Variants in CCR3 observed in about 807,000 individuals in gnomAD.
CCR3 encodes C-C motif chemokine receptor 3.
For synonymous variants in CCR3, 203 were observed against 179.2 expected, an observed-to-expected ratio of 1.13 and a Z score of -1.06; for missense variants, 419 against 437.5, an observed-to-expected ratio of 0.96 and a Z score of 0.38.
intron 1 of CCR3, among the ~76,000 whole-genome samples, chr3:46,254,870 C>T (rs1476515856): frequency 6.6e-6 from 1 of 152,024 alleles, no homozygotes; most frequent in African/African-American, 2.4e-5. Flanking sequence ...AATGTGTGTG[C>T]AAGTATCTTT....
chr3:46,248,265 G>A (rs1278045357), intron 1 of CCR3, among the ~76,000 whole-genome samples: 1 of 152,160 alleles, frequency 6.6e-6, no homozygotes, highest in African/African-American at 2.4e-5. Flanking sequence ...GAGCCAAGGA[G>A]CAGAAAGTAT....
intron 1 of CCR3, among the ~76,000 whole-genome samples, chr3:46,257,082 C>G (rs963321664): frequency 8.5e-5 from 13 of 152,074 alleles, no homozygotes; most frequent in Admixed American, 7.2e-4. Context: ...GTTTATAACT[C>G]CACTACTGAA....
At chr3:46,232,061 AT>A (rs1296477172) in intron 2 of CCR3, among the ~76,000 whole-genome samples, 2 of 152,158 alleles carry the variant, frequency 1.3e-5, no homozygotes, top group Non-Finnish European at 2.9e-5. Flanking sequence ...AGAAAAATGT[AT>A]TTTCTGCATA....
At chr3:46,230,325 A>G (rs552486380) in intron 2 of CCR3, among the ~76,000 whole-genome samples, 37 of 152,128 alleles carry the variant, frequency 2.4e-4, no homozygotes, top group Non-Finnish European at 5.0e-4. Context: ...ATAAAATTCA[A>G]CTCCTGAATT....
chr3:46,258,659 T>A lies in CCR3; in HGVS notation c.-11-6489T>A, dbSNP rs187114245. Among the ~76,000 whole-genome samples, 282 of 152,328 alleles carry A rather than the reference T, an allele frequency of 1.9e-3. 2 individuals carry two copies. The highest frequency in any genetic ancestry group is 6.4e-3 in the African/African-American group (266 of 41,578). ...GACATTTATAGGTCACAAACTAGAATCTCAGTAAGTTATTTTGATGACTCT... is the reference window on the plus strand; with the variant it reads ...GACATTTATAGGTCACAAACTAGAAACTCAGTAAGTTATTTTGATGACTCT... On this transcript the variant is annotated intron_variant, in intron 1 of 1. Transcript: ENST00000395940.
intron 2 of CCR3, among the ~76,000 whole-genome samples, chr3:46,222,117 C>T (rs890078514): frequency 2.0e-5 from 3 of 152,212 alleles, no homozygotes; most frequent in Admixed American, 6.5e-5. Context: ...ACACTCTCCA[C>T]ATCAAAGGAC....
intron 2 of CCR3, among the ~76,000 whole-genome samples, chr3:46,213,907 C>T (rs1405693507): frequency 1.3e-5 from 2 of 152,210 alleles, no homozygotes; most frequent in Admixed American, 6.5e-5. Flanking sequence ...TCATTACAGT[C>T]TCTCCCTTAA....
intron 2 of CCR3, among the ~76,000 whole-genome samples, chr3:46,217,367 G>C (rs193013542): frequency 1.3e-5 from 2 of 152,090 alleles, no homozygotes; most frequent in South Asian, 2.1e-4. Context: ...ATAGTCGTAG[G>C]GGAAGTCAGT....
intron 1 of CCR3, among the ~76,000 whole-genome samples, chr3:46,242,984 T>TATATATATATATATATATAC (rs1559531027): frequency 9.3e-6 from 1 of 107,418 alleles, no homozygotes; most frequent in East Asian, 2.7e-4. Flanking sequence ...TATATACACA[T>TATATATATATATATATATAC]ATATATATAT....
At chr3:46,246,903 G>T (rs544689200) in intron 1 of CCR3, among the ~76,000 whole-genome samples, 1 of 151,928 alleles carries the variant, frequency 6.6e-6, no homozygotes, top group Non-Finnish European at 1.5e-5. Flanking sequence ...CTGAAGGGAG[G>T]TCTTGTGGTA....
rs562891246 is a variant in CCR3 at position 46,246,702 on chromosome 3, T to C, written c.-12+4164T>C. ...GCAAGTCACAGGGGATGGGATAGCT[T>C]GGCTTGGGCTCAGAGGCCTGACATT... is the stretch of plus-strand genomic sequence containing the variant. On this transcript the variant is annotated intron_variant, in intron 1 of 1. Transcript: ENST00000395940. Among the ~76,000 whole-genome samples the C allele has an allele frequency of 4.0e-5, 6 of 151,522 alleles. No homozygotes were observed. In the East Asian group the frequency reaches 1.2e-3, roughly 29 times the overall value.
chr3:46,214,332 C>T (rs1037520447), intron 2 of CCR3, among the ~76,000 whole-genome samples: 11 of 152,196 alleles, frequency 7.2e-5, no homozygotes, highest in Admixed American at 5.2e-4. Flanking sequence ...TGTTACATGG[C>T]TGGATTCTCC....
chr3:46,223,062 A>C (rs1278384269), intron 2 of CCR3, among the ~76,000 whole-genome samples: 1 of 152,062 alleles, frequency 6.6e-6, no homozygotes, highest in Non-Finnish European at 1.5e-5. Flanking sequence ...AAGTTTTAAA[A>C]CTCTTTTGAG....
intron 2 of CCR3, among the ~76,000 whole-genome samples, chr3:46,227,176 G>A (rs1458836633): frequency 4.6e-5 from 7 of 151,920 alleles, no homozygotes; most frequent in Non-Finnish European, 8.8e-5. Context: ...GAGCCACCAC[G>A]CCCAGCTGAA....
intron 1 of CCR3, among the ~76,000 whole-genome samples, chr3:46,248,775 G>A (rs554624832): frequency 6.6e-6 from 1 of 152,302 alleles, no homozygotes; most frequent in South Asian, 2.1e-4. Flanking sequence ...CAAAGGAATA[G>A]TAAAGAAAGC....
chr3:46,250,018 CT>C (rs1700274849), intron 1 of CCR3, among the ~76,000 whole-genome samples: 1 of 151,858 alleles, frequency 6.6e-6, no homozygotes, highest in Non-Finnish European at 1.5e-5. Context: ...ATAAGATGGC[CT>C]TTTGACCTTT....
intron 1 of CCR3, among the ~76,000 whole-genome samples, chr3:46,252,536 T>G (rs1700336508): frequency 6.6e-6 from 1 of 151,946 alleles, no homozygotes; most frequent in Admixed American, 6.5e-5. Context: ...TACAGAAAAA[T>G]TCTATTGGAC....
intron 1 of CCR3, among the ~76,000 whole-genome samples, chr3:46,258,447 A>G (rs1043086771): frequency 1.3e-5 from 2 of 152,196 alleles, no homozygotes; most frequent in Admixed American, 6.6e-5. Flanking sequence ...TGGGATTTCA[A>G]CATTATAGCA....
intron 2 of CCR3, among the ~76,000 whole-genome samples, chr3:46,219,504 A>C (rs1264372042): frequency 1.3e-5 from 2 of 152,192 alleles, no homozygotes; most frequent in Non-Finnish European, 2.9e-5. Context: ...ATATGGAACC[A>C]AAAAAGAGCC....
Sources: gnomAD v4.1 joint callset for allele counts (sites outside exome capture counted in the v4.1 genomes callset) on GRCh38, gnomAD v4.1.1 for gene constraint, MANE v1.5 for transcripts, NCBI Gene and HGNC (gene_info 2026-07-23, HGNC 2026-07-21) for gene names.